Variants in DENND5B observed in about 807,000 individuals in gnomAD.
DENND5B encodes the protein DENN domain-containing protein 5B.
A neutral mutation model predicts 140.6 loss-of-function variants in DENND5B; 34 were observed. The observed-to-expected ratio is 0.24, with a 90% CI of 0.18 to 0.32. The LOEUF is 0.32. DENND5B is among the 10% of genes least tolerant of loss of function. The probability of loss-of-function intolerance (pLI) is 1.00; values close to 1 mark genes in which losing one functional copy is unlikely to be tolerated. For missense variants in DENND5B, 1,142 were observed against 1,560.2 expected (o/e 0.73, Z 4.52); for synonymous variants, 551 against 562.1 (o/e 0.98, Z 0.28).
intron 1 of DENND5B, among the ~76,000 whole-genome samples, chr12:31,510,087 C>CGT (rs1283156989): frequency 6.6e-6 from 1 of 152,142 alleles, no homozygotes; most frequent in Non-Finnish European, 1.5e-5. Flanking sequence ...TGCTAGACTT[C>CGT]GTGTGTCTGA....
chr12:31,462,459 T>A (rs1470888455), intron 3 of DENND5B, among the ~76,000 whole-genome samples: 6 of 152,120 alleles, frequency 3.9e-5, no homozygotes, highest in Admixed American at 1.3e-4. Context: ...AGTTCTGCAC[T>A]ATCACAGGAC....
At chr12:31,394,576 A>G (rs1312115244) in intron 17 of DENND5B, among the ~76,000 whole-genome samples, 3 of 151,984 alleles carry the variant, frequency 2.0e-5, no homozygotes, top group Non-Finnish European at 4.4e-5. Context: ...CAATCATGAT[A>G]CAGAACATTT....
intron 20 of DENND5B, among the ~76,000 whole-genome samples, chr12:31,388,545 A>G (rs1387445065): frequency 6.6e-6 from 1 of 152,166 alleles, no homozygotes; most frequent in Non-Finnish European, 1.5e-5. Context: ...TAAGTTCCTA[A>G]GACATCCTTA....
intron 1 of DENND5B, among the ~76,000 whole-genome samples, chr12:31,499,434 A>C (rs1292561770): frequency 6.6e-6 from 1 of 152,236 alleles, no homozygotes; most frequent in African/African-American, 2.4e-5. Context: ...CAAGGCTTGA[A>C]GCAAATGAAG....
intron 1 of DENND5B, among the ~76,000 whole-genome samples, chr12:31,527,795 C>T (rs1013180506): frequency 1.3e-5 from 2 of 151,938 alleles, no homozygotes; most frequent in Admixed American, 6.6e-5. Flanking sequence ...AAAAAAATCA[C>T]TCTGACAGTT....
chr12:31,470,886 G>A (rs927578531), intron 3 of DENND5B, among the ~76,000 whole-genome samples: 2 of 152,156 alleles, frequency 1.3e-5, no homozygotes, highest in African/African-American at 4.8e-5. Flanking sequence ...TTTAATTCCT[G>A]GGTGGCCACT....
intron 1 of DENND5B, among the ~76,000 whole-genome samples, chr12:31,499,042 G>T (rs1591930294): frequency 7.0e-6 from 1 of 142,284 alleles, no homozygotes; most frequent in Non-Finnish European, 1.5e-5. Context: ...CTGGCCAAAA[G>T]AAGAGAATCT....
chr12:31,407,340 A>G (rs867834893), intron 14 of DENND5B, among the ~76,000 whole-genome samples: 1 of 152,188 alleles, frequency 6.6e-6, no homozygotes, highest in Non-Finnish European at 1.5e-5. Flanking sequence ...CATGTTGGTC[A>G]GGCTGGTCTC....
chr12:31,389,587 A>G, intron 19 of DENND5B, 89 bp from the exon 20 acceptor site: 1 of 1,304,922 alleles, frequency 7.7e-7, no homozygotes, highest in Non-Finnish European at 1.0e-6. Flanking sequence ...TGGAAACACT[A>G]ACGATGCTTT....
At chr12:31,462,920 C>T (rs1326904613) in intron 3 of DENND5B, among the ~76,000 whole-genome samples, 1 of 151,912 alleles carries the variant, frequency 6.6e-6, no homozygotes, top group Non-Finnish European at 1.5e-5. Context: ...GATTGCACTA[C>T]TGCACTCCAG....
At chr12:31,414,579 G>T (rs1188411665) in intron 12 of DENND5B, among the ~76,000 whole-genome samples, 1 of 152,066 alleles carries the variant, frequency 6.6e-6, no homozygotes, top group Non-Finnish European at 1.5e-5. Context: ...CAGCCCTTTG[G>T]GAGGCCGAGG....
In DENND5B at chr12:31,399,012, C is replaced by A. The variant is rs149718714; in HGVS notation, c.3068+642G>T. On this transcript the variant is annotated intron_variant, in intron 16 of 20. Coordinates refer to ENST00000389082, the MANE Select transcript of DENND5B (RefSeq NM_144973.4). ...TGGCAGGTACCTGTAATCCCAGCTACTCGGGAGGCTGAAGCACGAGAACTG... is the reference window on the plus strand; with the variant it reads ...TGGCAGGTACCTGTAATCCCAGCTAATCGGGAGGCTGAAGCACGAGAACTG... 9.5e-3 allele frequency among the ~76,000 whole-genome samples: 1,427 copies of A among 150,314 alleles called. 24 individuals carry two copies. Among genetic ancestry groups the A allele is most frequent in the African/African-American group, 0.033 (1,350 of 40,980 alleles).
intron 1 of DENND5B, among the ~76,000 whole-genome samples, chr12:31,558,270 C>G (rs541916706): frequency 1.3e-5 from 2 of 152,206 alleles, no homozygotes; most frequent in Non-Finnish European, 2.9e-5. Flanking sequence ...GAACCCACCC[C>G]CCAACCCCCT....
At chr12:31,509,479 G>A (rs532480784) in intron 1 of DENND5B, among the ~76,000 whole-genome samples, 5 of 152,282 alleles carry the variant, frequency 3.3e-5, no homozygotes, top group African/African-American at 4.8e-5. Context: ...GAGCCCAGGA[G>A]TTAAGAGGTT....
In DENND5B at chr12:31,452,148, G is replaced by A. The variant is rs550047543; in HGVS notation, c.1421C>T (p.Ser474Phe). Residue 474 changes from serine (S) to phenylalanine (F), a missense_variant, in exon 5 of 21, where the codon TCT becomes TTT. Physicochemically the swap from Ser to Phe is radical, Grantham distance 155. This residue lies in a region of DENND5B where 708 missense variants were observed against 905.5 expected (regional missense o/e 0.78). Coordinates refer to ENST00000389082, the MANE Select transcript of DENND5B (RefSeq NM_144973.4). ...TGVAVEKMDL[S>F]ASLGEKDKDL... Reference sequence around the variant, plus strand: ...CTTGTCTTTTTCACCCAGAGAAGCAGAGAGGTCCATTTTTTCCACAGCCAC... The same window carrying A: ...CTTGTCTTTTTCACCCAGAGAAGCAAAGAGGTCCATTTTTTCCACAGCCAC... 7 of 1,614,016 alleles carry A rather than the reference G, an allele frequency of 4.3e-6. No individual in the cohort carries two copies. The highest frequency in any genetic ancestry group is 5.9e-6 in the Non-Finnish European group (7 of 1,179,898).
intron 13 of DENND5B, among the ~76,000 whole-genome samples, chr12:31,412,999 C>A (rs1047055556): frequency 5.3e-5 from 8 of 152,042 alleles, no homozygotes; most frequent in Non-Finnish European, 7.4e-5. Context: ...CAGCTCACTG[C>A]AACCTCCACC....
At chr12:31,426,175 TA>T in intron 9 of DENND5B, 117 bp downstream of exon 9, 1 of 1,247,588 alleles carries the variant, frequency 8.0e-7, no homozygotes, top group Non-Finnish European at 1.1e-6. Context: ...AATGCCACAG[TA>T]AAAGTTTTCT....
chr12:31,524,038 GC>G (rs1565662962), intron 1 of DENND5B, among the ~76,000 whole-genome samples: 1 of 141,018 alleles, frequency 7.1e-6, no homozygotes, highest in Admixed American at 7.0e-5. Flanking sequence ...AAACTACTGA[GC>G]CCTTTTTTTT....
At chr12:31,547,283 T>C (rs1948895612) in intron 1 of DENND5B, among the ~76,000 whole-genome samples, 2 of 152,240 alleles carry the variant, frequency 1.3e-5, no homozygotes, top group Non-Finnish European at 2.9e-5. Flanking sequence ...ATCAATAGTT[T>C]ACTATTCTTG....
Sources: gnomAD v4.1 joint callset for allele counts (sites outside exome capture counted in the v4.1 genomes callset) on GRCh38, gnomAD v4.1.1 for gene constraint, gnomAD v4.1.1 regional missense constraint, MANE v1.5 for transcripts, NCBI Gene and HGNC (gene_info 2026-07-23, HGNC 2026-07-21) for gene names.